MBNL2: variants seen among roughly 807,000 people sequenced by gnomAD.
The protein encoded by MBNL2 is muscleblind like splicing regulator 2.
Under a neutral mutation model 41.9 loss-of-function variants are expected in MBNL2, and 17 were observed. The ratio of observed to expected loss-of-function variants is 0.41; its 90% CI spans 0.28 to 0.61. The LOEUF (loss-of-function observed/expected upper bound fraction) is 0.61, where lower values mean the gene tolerates loss of function less well. Among genes scored for constraint, MBNL2 ranks in the 20% least tolerant of loss-of-function variants. The pLI, the probability that MBNL2 is intolerant of heterozygous loss-of-function variation, is 0.35. For missense variants in MBNL2, 336 were observed against 505.6 expected, an observed-to-expected ratio of 0.66 and a Z score of 3.22; for synonymous variants, 195 against 182.9, an observed-to-expected ratio of 1.07 and a Z score of -0.53.
intron 8 of MBNL2, among the ~76,000 whole-genome samples, chr13:97,371,329 C>T (rs759083793): frequency 2.6e-5 from 4 of 152,142 alleles, no homozygotes; most frequent in Non-Finnish European, 4.4e-5. Flanking sequence ...CTCTCCTCCT[C>T]CCCCAGCAAG....
chr13:97,345,985 A>C (rs2061812880), intron 4 of MBNL2, among the ~76,000 whole-genome samples: 1 of 152,166 alleles, frequency 6.6e-6, no homozygotes, highest in East Asian at 1.9e-4. Flanking sequence ...GATAGATTAT[A>C]GGTAGGTAAG....
chr13:97,347,076 G>GGCCGCCC lies in MBNL2; in HGVS notation c.804+17_804+23dup. Reference sequence around the variant, plus strand: ...CCGCGGCCACAGTCATGGTAAGTGCGGCCGCCCGCCGCCCCTGCACCCCGG... The same window carrying GGCCGCCC: ...CCGCGGCCACAGTCATGGTAAGTGCGGCCGCCCGCCGCCCGCCGCCCCTGCACCCCGG... On this transcript the variant is annotated intron_variant, in intron 5 of 8. Transcript: ENST00000679496. 1 of 1,538,900 alleles carries GGCCGCCC rather than the reference G, an allele frequency of 6.5e-7. No individual in the cohort carries two copies. Among genetic ancestry groups the GGCCGCCC allele is most frequent in the South Asian group, 1.2e-5 (1 of 82,780 alleles).
At chr13:97,186,158 C>T in the MBNL2 span, among the ~76,000 whole-genome samples, 2 of 152,190 alleles carry the variant, frequency 1.3e-5, no homozygotes, top group Non-Finnish European at 2.9e-5. Context: ...GGAGGTGAGA[C>T]GACGGTTTCC....
In MBNL2 at chr13:97,247,748, GTTCA is replaced by G. The variant is rs140900166; in HGVS notation, c.-605+25223_-605+25226del. Reference sequence around the variant, plus strand: ...ATTCCATATTTTAAATCACATTCTAGTTCATTCATCATTTTACTTCAAATAGCTT... The same window carrying G: ...ATTCCATATTTTAAATCACATTCTAGTTCATCATTTTACTTCAAATAGCTT... On this transcript the variant is annotated intron_variant, in intron 1 of 8. Transcript: ENST00000679496. 9.2e-3 allele frequency among the ~76,000 whole-genome samples: 1,401 copies of G among 152,264 alleles called. 19 individuals carry two copies. The highest frequency in any genetic ancestry group is 0.032 in the African/African-American group (1,337 of 41,544).
chr13:97,275,514 C>T (rs2052021305), intron 1 of MBNL2, 118 bp from the exon 2 acceptor site: 1 of 152,144 alleles, frequency 6.6e-6, no homozygotes, highest in Non-Finnish European at 1.5e-5. Context: ...TCACTATACT[C>T]AAAGCTCAAA....
intron 2 of MBNL2, among the ~76,000 whole-genome samples, chr13:97,321,552 G>A (rs1270261297): frequency 6.6e-6 from 1 of 152,178 alleles, no homozygotes; most frequent in Non-Finnish European, 1.5e-5. Flanking sequence ...CACAGCAGGC[G>A]ATGGAGAAGG....
chr13:97,336,589 C>T (rs915431697), intron 3 of MBNL2, among the ~76,000 whole-genome samples: 1 of 152,046 alleles, frequency 6.6e-6, no homozygotes, highest in Non-Finnish European at 1.5e-5. Context: ...GATGTGGCCA[C>T]AGCAGAGGAA....
chr13:97,263,525 TG>T (rs888646612), intron 1 of MBNL2, among the ~76,000 whole-genome samples: 5 of 152,162 alleles, frequency 3.3e-5, no homozygotes, highest in African/African-American at 1.2e-4. Flanking sequence ...TCCAAATGCC[TG>T]GGGGGCATCT....
At chr13:97,238,696 C>T (rs966936229) in intron 1 of MBNL2, among the ~76,000 whole-genome samples, 12 of 152,060 alleles carry the variant, frequency 7.9e-5, no homozygotes, top group African/African-American at 2.7e-4. Flanking sequence ...GAGTGGGAGA[C>T]AGGTAGCACA....
At chr13:97,285,393 A>C (rs1474496033) in intron 2 of MBNL2, among the ~76,000 whole-genome samples, 3 of 152,234 alleles carry the variant, frequency 2.0e-5, no homozygotes, top group African/African-American at 7.2e-5. Context: ...GGAGAGACGC[A>C]GGAATTGCTG....
the MBNL2 span, among the ~76,000 whole-genome samples, chr13:97,199,431 T>TA: frequency 6.6e-6 from 1 of 152,208 alleles, no homozygotes; most frequent in East Asian, 1.9e-4. Context: ...GGAGTTTGTC[T>TA]ATTGTGCTCC....
the MBNL2 span, among the ~76,000 whole-genome samples, chr13:97,151,832 G>C: frequency 0.016 from 2,416 of 152,274 alleles, 75 homozygotes; most frequent in African/African-American, 0.054. Context: ...TGAATGGTTG[G>C]AGAAGATATG....
chr13:97,263,743 AAGTAGCTGGGAT>A (rs1169771485), intron 1 of MBNL2, among the ~76,000 whole-genome samples: 2 of 151,396 alleles, frequency 1.3e-5, no homozygotes, highest in African/African-American at 4.9e-5. Flanking sequence ...TCAGCCTCCC[AAGTAGCTGGGAT>A]TACAGGTGTG....
intron 8 of MBNL2, among the ~76,000 whole-genome samples, chr13:97,371,520 C>T (rs895624712): frequency 1.3e-5 from 2 of 152,050 alleles, no homozygotes; most frequent in African/African-American, 2.4e-5. Context: ...GCGGCTGCAG[C>T]GTAGGTTTGA....
At chr13:97,313,258 C>T (rs2058759822) in intron 2 of MBNL2, among the ~76,000 whole-genome samples, 1 of 152,158 alleles carries the variant, frequency 6.6e-6, no homozygotes, top group Non-Finnish European at 1.5e-5. Flanking sequence ...ACTCTAAATC[C>T]TCAAAATAGA....
At chr13:97,177,904 C>A in the MBNL2 span, among the ~76,000 whole-genome samples, 1 of 152,068 alleles carries the variant, frequency 6.6e-6, no homozygotes, top group Non-Finnish European at 1.5e-5. Flanking sequence ...AAATGATTTT[C>A]CACCTAGAAT....
chr13:97,298,216 A>T (rs530546285), intron 2 of MBNL2, among the ~76,000 whole-genome samples: 165 of 151,994 alleles, frequency 1.1e-3, no homozygotes, highest in African/African-American at 1.4e-3. Flanking sequence ...AATAAATAAA[A>T]AAATTCTTAA....
chr13:97,271,423 GATTTATTT>G (rs34646186), intron 1 of MBNL2, among the ~76,000 whole-genome samples: 9 of 149,372 alleles, frequency 6.0e-5, no homozygotes, highest in Admixed American at 4.0e-4. Context: ...CACTTTTTAA[GATTTATTT>G]ATTTATTTAT....
intron 2 of MBNL2, among the ~76,000 whole-genome samples, chr13:97,292,085 C>T (rs2056201716): frequency 6.7e-6 from 1 of 149,822 alleles, no homozygotes; most frequent in African/African-American, 2.5e-5. Context: ...CCTGTAGTCC[C>T]AGCTACTCGT....
Sources: allele counts gnomAD v4.1 joint callset (sites outside exome capture counted in the v4.1 genomes callset), GRCh38; gene constraint gnomAD v4.1.1; transcripts MANE v1.5; gene names NCBI Gene and HGNC (gene_info 2026-07-23, HGNC 2026-07-21).